Variants in MDH2 observed in about 807,000 individuals in gnomAD.
MDH2 encodes the protein malate dehydrogenase, mitochondrial.
MDH2 carries 25 observed loss-of-function variants against 33.6 expected under a neutral mutation model. The observed-to-expected ratio is 0.74, with a 90% CI of 0.54 to 1.04. MDH2 has a LOEUF of 1.04. Ranked by LOEUF, MDH2 falls within the 50% of genes least tolerant of loss-of-function variation. The pLI, the probability that MDH2 is intolerant of heterozygous loss-of-function variation, is 0.00. For synonymous variants in MDH2, 193 were observed against 188.7 expected (o/e 1.02, Z -0.19); for missense variants, 432 against 445.0 (o/e 0.97, Z 0.26).
intron 5 of MDH2, among the ~76,000 whole-genome samples, chr7:76,062,271 C>G (rs1554587128): frequency 6.6e-6 from 1 of 152,250 alleles, no homozygotes. Flanking sequence ...GCAAAGTCGC[C>G]TTGTCCCCCG....
Position 76,066,460 on chromosome 7 carries a change from A to G in MDH2, c.*50A>G, listed in dbSNP as rs1554587926. On this transcript the variant is annotated 3_prime_UTR_variant, in exon 9 of 9. Coordinates refer to ENST00000315758, the MANE Select transcript of MDH2 (RefSeq NM_005918.4). ...CCTTAATTTATGAAGGCATCATGTC[A>G]CTGCAAAGCCGTTGCAGATAAACTT... The G allele has an allele frequency of 6.4e-7, 1 of 1,566,780 alleles. No individual in the cohort carries two copies.
At position 76,064,645 on chromosome 7, in the gene MDH2, T is replaced by C. The variant is rs2286830; in HGVS notation, c.734-157T>C. 0.45 allele frequency among the ~76,000 whole-genome samples: 68,917 copies of C among 152,060 alleles called. 18,093 individuals are homozygous for C. Among genetic ancestry groups the C allele is most frequent in the African/African-American group, 0.72 (29,871 of 41,460 alleles). On this transcript the variant is annotated intron_variant, in intron 7 of 8. Transcript: ENST00000315758. ...TTTTTGAGGGTGGCAGAGTCAATTC[T>C]ACACCATTCATGTATAAGTAACAAG...
At chr7:76,060,122 G>C (rs1293866375) in intron 4 of MDH2, among the ~76,000 whole-genome samples, 2 of 152,196 alleles carry the variant, frequency 1.3e-5, no homozygotes, top group African/African-American at 2.4e-5. Context: ...ACACATTTCA[G>C]TTGATAGCTG....
chr7:76,049,740 T>C (rs1210802010), intron 1 of MDH2, among the ~76,000 whole-genome samples: 2 of 152,208 alleles, frequency 1.3e-5, no homozygotes, highest in African/African-American at 4.8e-5. Context: ...ATTTTACTTA[T>C]TGCCCCACTC....
At chr7:76,055,276 A>G (rs1436032334) in intron 2 of MDH2, among the ~76,000 whole-genome samples, 1 of 152,136 alleles carries the variant, frequency 6.6e-6, no homozygotes, top group Non-Finnish European at 1.5e-5. Flanking sequence ...AAGTGTCAGC[A>G]ACCTCTGGTG....
chr7:76,063,631 G>T (rs560567270), intron 6 of MDH2, 39 bp downstream of exon 6: 1 of 1,591,754 alleles, frequency 6.3e-7, no homozygotes, highest in South Asian at 1.1e-5. Flanking sequence ...TCGAGGTCAG[G>T]ATTCCCTTTA....
At chr7:76,057,854 T>G (rs1361397526) in intron 3 of MDH2, 115 bp from the exon 4 acceptor site, 8 of 915,812 alleles carry the variant, frequency 8.7e-6, no homozygotes, top group Non-Finnish European at 1.4e-5. Context: ...GGGACTGACT[T>G]GAAACGGGGA....
intron 7 of MDH2, 97 bp downstream of exon 7, chr7:76,064,535 C>A: frequency 8.9e-7 from 1 of 1,128,476 alleles, no homozygotes; most frequent in Non-Finnish European, 1.3e-6. Context: ...CATGGACGAT[C>A]CTTTTCAGTG....
At chr7:76,065,039 T>C in intron 8 of MDH2, 86 bp downstream of exon 8, 2 of 1,507,358 alleles carry the variant, frequency 1.3e-6, no homozygotes, top group Non-Finnish European at 1.8e-6. Context: ...CCTGGCCCTT[T>C]ATGCAGTAAG....
chr7:76,048,353 G>A (rs1431625215), intron 1 of MDH2, 127 bp downstream of exon 1: 2 of 1,332,852 alleles, frequency 1.5e-6, no homozygotes, highest in Non-Finnish European at 2.0e-6. Context: ...GGCACTGGCT[G>A]GAGACTGTGG....
chr7:76,057,515 C>A, intron 3 of MDH2, 22 bp downstream of exon 3: 8 of 1,607,716 alleles, frequency 5.0e-6, no homozygotes, highest in Non-Finnish European at 6.8e-6. Context: ...AAAGCCTTGT[C>A]TGGTACCTCC....
At chr7:76,048,249 T>G (rs145155225) in intron 1 of MDH2, 23 bp downstream of exon 1, 1 of 1,530,188 alleles carries the variant, frequency 6.5e-7, no homozygotes, top group Admixed American at 2.0e-5. Flanking sequence ...AGGGGCGGCC[T>G]GCAGGCGGAG....
At chr7:76,049,643 A>C (rs1196205148) in intron 1 of MDH2, among the ~76,000 whole-genome samples, 1 of 152,168 alleles carries the variant, frequency 6.6e-6, no homozygotes, top group Non-Finnish European at 1.5e-5. Context: ...GGACCTTCAG[A>C]TATCCGACAT....
Position 76,064,843 on chromosome 7 carries a change from G to T in MDH2, c.775G>T (p.Val259Phe). The change falls in exon 8 of 9, where the codon GTC becomes TTC. Residue 259 changes from valine to phenylalanine, a missense_variant. Transcript: ENST00000315758. ...CATGGCGTATGCCGGCGCCCGCTTTGTCTTCTCCCTTGTGGATGCAATGAA... is the reference window on the plus strand; with the variant it reads ...CATGGCGTATGCCGGCGCCCGCTTTTTCTTCTCCCTTGTGGATGCAATGAA... ...LSMAYAGARF[V>F]FSLVDAMNGK... 1.2e-6 allele frequency: 2 copies of T among 1,614,138 alleles called. No homozygotes were observed. Among genetic ancestry groups the T allele is most frequent in the East Asian group, 2.2e-5 (1 of 44,866 alleles).
chr7:76,056,029 T>C (rs1230860950), intron 2 of MDH2, among the ~76,000 whole-genome samples: 1 of 152,066 alleles, frequency 6.6e-6, no homozygotes, highest in African/African-American at 2.4e-5. Flanking sequence ...GGTTTCACCA[T>C]GTTGGCCAGG....
intron 4 of MDH2, 67 bp downstream of exon 4, chr7:76,058,145 G>C: frequency 7.0e-7 from 1 of 1,423,700 alleles, no homozygotes; most frequent in Non-Finnish European, 9.7e-7. Flanking sequence ...TGCGTGAAAA[G>C]CTCACGGTTT....
chr7:76,064,656 T>C, intron 7 of MDH2, 146 bp from the exon 8 acceptor site: 1 of 998,954 alleles, frequency 1.0e-6, no homozygotes. Flanking sequence ...ACACCATTCA[T>C]GTATAAGTAA....
At chr7:76,055,046 C>A (rs782508137) in intron 2 of MDH2, 48 bp downstream of exon 2, 24 of 1,542,558 alleles carry the variant, frequency 1.6e-5, no homozygotes, top group Non-Finnish European at 2.1e-5. Flanking sequence ...CCCCAGTAGG[C>A]CAGGATTCGA....
intron 1 of MDH2, among the ~76,000 whole-genome samples, chr7:76,052,996 C>T (rs1043820086): frequency 6.6e-6 from 1 of 152,184 alleles, no homozygotes; most frequent in East Asian, 1.9e-4. Flanking sequence ...TGCATACCAC[C>T]ATGCCAGCCT....
Sources: gnomAD v4.1 joint callset for allele counts (sites outside exome capture counted in the v4.1 genomes callset) on GRCh38, gnomAD v4.1.1 for gene constraint, MANE v1.5 for transcripts, NCBI Gene and HGNC (gene_info 2026-07-23, HGNC 2026-07-21) for gene names.